The following UPRT variants were observed in gnomAD, a reference collection of about 807,000 sequenced individuals.
UPRT encodes the protein RP11-311P8.3.
A neutral mutation model predicts 22.6 loss-of-function variants in UPRT; 5 were observed. That is an observed-to-expected ratio of 0.22 (90% confidence interval 0.12 to 0.47). The LOEUF (loss-of-function observed/expected upper bound fraction) is 0.47. UPRT is among the 20% of genes least tolerant of loss of function. The probability of loss-of-function intolerance (pLI) is 0.99; values close to 1 mark genes in which losing one functional copy is unlikely to be tolerated. For synonymous variants in UPRT, 77 were observed against 87.7 expected (o/e 0.88, Z 0.68); for missense variants, 181 against 239.9 (o/e 0.75, Z 1.62).
chrX:75,224,038 A>G lies in UPRT; in HGVS notation c.-447+56159A>G, dbSNP rs939246052. On this transcript the variant is annotated intron_variant, in intron 4 of 13. Transcript: ENST00000652605. ...TCCAAATTTACTGTTGAGGTCCTAC[A>G]GTGATTTTTTTTATATGTCAGTTAT... 5.4e-5 allele frequency among the ~76,000 whole-genome samples: 6 copies of G among 111,529 alleles called. No homozygotes were observed. The East Asian group carries it at 8.5e-4, about 16-fold the overall frequency.
chrX:75,279,553 CAGATA>C (rs746624935), intron 1 of UPRT, among the ~76,000 whole-genome samples: 10 of 111,815 alleles, frequency 8.9e-5, no homozygotes, highest in Non-Finnish European at 1.5e-4. Context: ...CAATTGTAAT[CAGATA>C]AAATGATAGT....
At chrX:75,184,882 CTT>C (rs1385145566) in intron 4 of UPRT, among the ~76,000 whole-genome samples, 2 of 111,718 alleles carry the variant, frequency 1.8e-5, no homozygotes, top group Non-Finnish European at 3.8e-5. Flanking sequence ...TATCCCGAGA[CTT>C]TGCTGAAGTT....
chrX:75,253,059 G>T (rs933810730), intron 4 of UPRT, among the ~76,000 whole-genome samples: 9 of 110,794 alleles, frequency 8.1e-5, no homozygotes, highest in African/African-American at 3.0e-4. Context: ...GGAGGAGGGG[G>T]GAGGGATAGC....
intron 4 of UPRT, among the ~76,000 whole-genome samples, chrX:75,244,660 C>A (rs188329800): frequency 1.1e-3 from 117 of 111,377 alleles, no homozygotes; most frequent in Non-Finnish European, 1.8e-3. Context: ...TTGACCACAA[C>A]AAGCAACAGA....
intron 4 of UPRT, among the ~76,000 whole-genome samples, chrX:75,267,041 G>T (rs990606587): frequency 3.6e-5 from 4 of 111,285 alleles, no homozygotes; most frequent in African/African-American, 1.3e-4. Context: ...GATTCGTCAA[G>T]GATCTAGAAC....
intron 3 of UPRT, among the ~76,000 whole-genome samples, chrX:75,166,975 G>A (rs2082214865): frequency 9.0e-6 from 1 of 111,532 alleles, no homozygotes; most frequent in Admixed American, 9.5e-5. Context: ...TCCATTTTGG[G>A]GTCATCATGA....
chrX:75,176,022 A>G (rs2082245406), intron 4 of UPRT, among the ~76,000 whole-genome samples: 1 of 111,380 alleles, frequency 9.0e-6, no homozygotes, highest in Admixed American at 9.6e-5. Flanking sequence ...TTTAGAATCA[A>G]TTGACCCTCG....
intron 4 of UPRT, among the ~76,000 whole-genome samples, chrX:75,178,730 G>A (rs2082258600): frequency 9.0e-6 from 1 of 110,966 alleles, no homozygotes; most frequent in Admixed American, 9.6e-5. Context: ...GGGCTCAGGA[G>A]TGAAGCTGCA....
chrX:75,194,654 A>G (rs2082327485), intron 4 of UPRT, among the ~76,000 whole-genome samples: 1 of 111,015 alleles, frequency 9.0e-6, no homozygotes. Flanking sequence ...GCATGGGACT[A>G]TGAGTGCCCT....
At chrX:75,281,245 A>G (rs2082655425) in intron 1 of UPRT, among the ~76,000 whole-genome samples, 1 of 111,372 alleles carries the variant, frequency 9.0e-6, no homozygotes, top group Non-Finnish European at 1.9e-5. Flanking sequence ...ATCAATTTGG[A>G]TGCCCCTTAT....
chrX:75,203,133 C>A (rs931821170), intron 4 of UPRT, among the ~76,000 whole-genome samples: 7 of 110,342 alleles, frequency 6.3e-5, no homozygotes, highest in Non-Finnish European at 5.7e-5. Context: ...CAGAAAAAAG[C>A]AGGGGTTGCA....
intron 4 of UPRT, among the ~76,000 whole-genome samples, chrX:75,188,101 G>T (rs900045146): frequency 2.7e-5 from 3 of 111,952 alleles, no homozygotes; most frequent in African/African-American, 6.5e-5. Flanking sequence ...GAGGTGCTCT[G>T]CTTTTTAGAG....
intron 4 of UPRT, among the ~76,000 whole-genome samples, chrX:75,205,920 G>A (rs2082364934): frequency 9.0e-6 from 1 of 111,701 alleles, no homozygotes; most frequent in Non-Finnish European, 1.9e-5. Flanking sequence ...GGGCTTTTGG[G>A]GAATGGCTCG....
intron 4 of UPRT, among the ~76,000 whole-genome samples, chrX:75,251,242 T>C (rs1361727957): frequency 9.0e-6 from 1 of 111,274 alleles, no homozygotes; most frequent in Non-Finnish European, 1.9e-5. Context: ...AAATAAAGGG[T>C]ATTCAATTTG....
At position 75,274,279 on chromosome X, in the gene UPRT, G is replaced by C; in HGVS notation, c.25G>C (p.Asp9His). The change falls in exon 1 of 7, where the codon GAC becomes CAC. Residue 9 changes from aspartate (D) to histidine (H), a missense_variant. Around this residue, in one of 2 missense-constraint regions of UPRT, gnomAD observed 111 missense variants for 102.8 expected, o/e 1.08. Transcript: ENST00000373383. The part of the protein sequence containing the change: MATELQCP[D>H]SMPCHNQQVN... Reference sequence around the variant, plus strand: ...TATGGCCACGGAGTTACAGTGTCCGGACTCCATGCCCTGTCACAACCAGCA... The same window carrying C: ...TATGGCCACGGAGTTACAGTGTCCGCACTCCATGCCCTGTCACAACCAGCA... 2 of 1,209,298 alleles carry C rather than the reference G, an allele frequency of 1.7e-6. No homozygotes were observed. Among genetic ancestry groups the C allele is most frequent in the Non-Finnish European group, 2.2e-6 (2 of 894,166 alleles).
chrX:75,234,616 C>G (rs1449583204), intron 4 of UPRT, among the ~76,000 whole-genome samples: 1 of 111,681 alleles, frequency 9.0e-6, no homozygotes, highest in Non-Finnish European at 1.9e-5. Context: ...CAAACTGGAA[C>G]TCAGGATTAA....
intron 4 of UPRT, among the ~76,000 whole-genome samples, chrX:75,232,846 C>T (rs1321124975): frequency 5.4e-5 from 6 of 111,663 alleles, no homozygotes; most frequent in Non-Finnish European, 1.1e-4. Flanking sequence ...AAAAACAGAG[C>T]AGAAAAACTG....
chrX:75,254,435 A>G (rs2082542385), intron 4 of UPRT, among the ~76,000 whole-genome samples: 1 of 112,454 alleles, frequency 8.9e-6, no homozygotes, highest in Non-Finnish European at 1.9e-5. Context: ...AAAGAAAGTC[A>G]GAGCTCGAAG....
intron 1 of UPRT, 95 bp from the exon 2 acceptor site, chrX:75,293,377 G>A: frequency 2.4e-6 from 2 of 846,198 alleles, no homozygotes; most frequent in East Asian, 3.2e-5. Flanking sequence ...CTTTTAGTAT[G>A]TTATAGGTCT....
Sources: allele counts gnomAD v4.1 joint callset (sites outside exome capture counted in the v4.1 genomes callset), GRCh38; gene constraint gnomAD v4.1.1; regional missense constraint gnomAD v4.1.1; transcripts MANE v1.5; gene names NCBI Gene and HGNC (gene_info 2026-07-23, HGNC 2026-07-21).